Variants in FAM13A observed in about 807,000 individuals in gnomAD.
FAM13A encodes protein FAM13A.
A neutral mutation model predicts 129.6 loss-of-function variants in FAM13A; 76 were observed. The ratio of observed to expected loss-of-function variants is 0.59; its 90% CI spans 0.49 to 0.71. FAM13A has a LOEUF of 0.71. Ranked by LOEUF, FAM13A falls within the 30% of genes least tolerant of loss-of-function variation. The probability of loss-of-function intolerance (pLI) is 0.00; values close to 1 mark genes in which losing one functional copy is unlikely to be tolerated. For missense variants in FAM13A, 1,108 were observed against 1,249.3 expected (o/e 0.89, Z 1.70); for synonymous variants, 443 against 449.9 (o/e 0.98, Z 0.20).
chr4:88,958,347 T>TG (rs1311843412), intron 4 of FAM13A, among the ~76,000 whole-genome samples: 2 of 152,156 alleles, frequency 1.3e-5, no homozygotes, highest in African/African-American at 4.8e-5. Context: ...CAGCTCCAGC[T>TG]CCAGCTCCAC....
intron 3 of FAM13A, among the ~76,000 whole-genome samples, chr4:89,002,176 C>CAAAAAAAAA (rs11370599): frequency 8.6e-6 from 1 of 115,678 alleles, no homozygotes; most frequent in Non-Finnish European, 1.8e-5. Flanking sequence ...CACCCAACGG[C>CAAAAAAAAA]AAAAAAAAAA....
intron 3 of FAM13A, among the ~76,000 whole-genome samples, chr4:88,995,920 C>G (rs1763481496): frequency 6.6e-6 from 1 of 152,082 alleles, no homozygotes; most frequent in South Asian, 2.1e-4. Context: ...TATGAAGAAA[C>G]AGAAAGCAGG....
intron 11 of FAM13A, among the ~76,000 whole-genome samples, chr4:88,770,885 T>C (rs151018694): frequency 1.7e-3 from 266 of 152,328 alleles, no homozygotes; most frequent in Admixed American, 3.0e-3. Flanking sequence ...TTTATCCATA[T>C]GTTTAAGAAC....
At chr4:88,879,437 A>ATTATAATATGATATGTATTATAAC (rs1288247516) in intron 6 of FAM13A, among the ~76,000 whole-genome samples, 1 of 152,164 alleles carries the variant, frequency 6.6e-6, no homozygotes, top group Admixed American at 6.5e-5. Flanking sequence ...TATTATATGC[A>ATTATAATATGATATGTATTATAAC]CAATCTTGGT....
intron 2 of FAM13A, among the ~76,000 whole-genome samples, chr4:89,025,242 A>ATTT (rs1560851172): frequency 1.1e-4 from 6 of 55,450 alleles, no homozygotes; most frequent in Non-Finnish European, 1.2e-4. Context: ...CCATGGAATC[A>ATTT]TTGTTTTTTT....
chr4:88,942,837 C>T (rs915386582), intron 4 of FAM13A, among the ~76,000 whole-genome samples: 6 of 152,086 alleles, frequency 3.9e-5, no homozygotes, highest in Non-Finnish European at 8.8e-5. Context: ...ATCAACAATA[C>T]ACTGATGCAA....
At chr4:88,854,449 G>C (rs567948757) in intron 6 of FAM13A, among the ~76,000 whole-genome samples, 1 of 152,194 alleles carries the variant, frequency 6.6e-6, no homozygotes, top group Non-Finnish European at 1.5e-5. Flanking sequence ...AAGGGTTGGG[G>C]ATACAGACTG....
intron 11 of FAM13A, among the ~76,000 whole-genome samples, chr4:88,769,288 T>C (rs1431016107): frequency 1.3e-5 from 2 of 152,232 alleles, no homozygotes; most frequent in African/African-American, 4.8e-5. Flanking sequence ...TATGTTGGTT[T>C]TGCCAATTTG....
intron 18 of FAM13A, 51 bp downstream of exon 18, chr4:88,747,580 C>T (rs1451119649): frequency 4.1e-6 from 6 of 1,467,174 alleles, no homozygotes; most frequent in African/African-American, 1.4e-5. Flanking sequence ...TGTGTCTCTA[C>T]CACATTGACT....
chr4:88,861,842 T>C (rs1174424760), intron 6 of FAM13A, among the ~76,000 whole-genome samples: 2 of 152,228 alleles, frequency 1.3e-5, no homozygotes, highest in Non-Finnish European at 2.9e-5. Flanking sequence ...AAAAACCCTA[T>C]GAAATAGGTA....
At chr4:88,941,149 G>A (rs900654025) in intron 4 of FAM13A, among the ~76,000 whole-genome samples, 1 of 152,112 alleles carries the variant, frequency 6.6e-6, no homozygotes, top group Non-Finnish European at 1.5e-5. Context: ...ATTAAAAATC[G>A]AAATGGAGTC....
chr4:88,887,288 TAATA>T (rs541359817), intron 6 of FAM13A, among the ~76,000 whole-genome samples: 37 of 152,194 alleles, frequency 2.4e-4, no homozygotes, highest in African/African-American at 7.7e-4. Context: ...CCTATTGAAA[TAATA>T]AATAAATAAA....
At chr4:88,987,952 C>A (rs957161695) in intron 4 of FAM13A, among the ~76,000 whole-genome samples, 1 of 149,078 alleles carries the variant, frequency 6.7e-6, no homozygotes, top group African/African-American at 2.5e-5. Flanking sequence ...AATAATCAGA[C>A]AAATCCACAC....
At chr4:88,846,434 T>G (rs1017053168) in intron 7 of FAM13A, among the ~76,000 whole-genome samples, 1 of 152,234 alleles carries the variant, frequency 6.6e-6, no homozygotes, top group Non-Finnish European at 1.5e-5. Context: ...TCTCCCTCCT[T>G]AGGAATCACC....
chr4:88,922,281 A>C (rs1751249663), intron 5 of FAM13A, among the ~76,000 whole-genome samples: 2 of 151,870 alleles, frequency 1.3e-5, no homozygotes, highest in Admixed American at 1.3e-4. Flanking sequence ...CCTATTCCAA[A>C]ATTGACCACA....
intron 7 of FAM13A, among the ~76,000 whole-genome samples, chr4:88,850,027 G>A (rs1006751655): frequency 6.6e-6 from 1 of 152,042 alleles, no homozygotes; most frequent in Non-Finnish European, 1.5e-5. Flanking sequence ...CAGCCCAAAT[G>A]CTATGTCTTC....
At chr4:88,997,280 T>C (rs1006078653) in intron 3 of FAM13A, among the ~76,000 whole-genome samples, 8 of 152,248 alleles carry the variant, frequency 5.3e-5, no homozygotes, top group Non-Finnish European at 1.2e-4. Flanking sequence ...ACAATTAAAA[T>C]AGTCATCATT....
At chr4:88,841,941 G>A (rs1434123650) in intron 7 of FAM13A, among the ~76,000 whole-genome samples, 1 of 152,118 alleles carries the variant, frequency 6.6e-6, no homozygotes, top group African/African-American at 2.4e-5. Flanking sequence ...CCGTACGAAG[G>A]CTTCTACAGA....
chr4:88,914,935 T>TGAGGATACACATAAAA (rs1749845325), intron 5 of FAM13A, among the ~76,000 whole-genome samples: 1 of 152,194 alleles, frequency 6.6e-6, no homozygotes, highest in Non-Finnish European at 1.5e-5. Flanking sequence ...TTCTGATGGA[T>TGAGGATACACATAAAA]GAGGATACAC....
Sources: allele counts gnomAD v4.1 joint callset (sites outside exome capture counted in the v4.1 genomes callset), GRCh38; gene constraint gnomAD v4.1.1; transcripts MANE v1.5; gene names NCBI Gene and HGNC (gene_info 2026-07-23, HGNC 2026-07-21).